Variants in VWA5B1 observed in about 807,000 individuals in gnomAD.
The protein encoded by VWA5B1 is von Willebrand factor A domain containing 5B1, also known as von Willebrand factor A domain-containing protein 5B1.
VWA5B1 carries 115 observed loss-of-function variants against 118.2 expected under a neutral mutation model. The ratio of observed to expected loss-of-function variants is 0.97; its 90% CI spans 0.84 to 1.14. The LOEUF is 1.14. Ranked by LOEUF, VWA5B1 falls within the 50% of genes most tolerant of loss-of-function variation. VWA5B1 has a pLI of 0.00. For synonymous variants in VWA5B1, 682 were observed against 658.4 expected (o/e 1.04, Z -0.55); for missense variants, 1,596 against 1,603.8 (o/e 1.00, Z 0.08).
rs1339744394 is a variant in VWA5B1, at chr1:20,354,689, G to T, written c.*426G>T. On this transcript the variant is annotated 3_prime_UTR_variant, in exon 22 of 22. Coordinates refer to ENST00000289815, the MANE Select transcript of VWA5B1 (RefSeq NM_001039500.3). ...ACAGCAATGCCCACTCAAATAAAAG[G>T]GCAGATGAGAGAACCCAGTGACCTC... The T allele has an allele frequency of 1.1e-5, 2 of 184,276 alleles. No individual in the cohort carries two copies. Among genetic ancestry groups the T allele is most frequent in the Non-Finnish European group, 2.3e-5 (2 of 88,472 alleles). The allele number at this position is 184,276 out of a possible 1,614,324, so 11.4% of individuals were successfully genotyped here.
In VWA5B1 at chr1:20,330,268, T is replaced by C; in HGVS notation, c.1343T>C (p.Ile448Thr). Residue 448 changes from isoleucine to threonine, a missense_variant, in exon 10 of 22, where the codon ATC (isoleucine) becomes ACC (threonine). Coordinates refer to ENST00000289815, the MANE Select transcript of VWA5B1 (RefSeq NM_001039500.3). ...TNILSPLKWV[I>T]RQPVHRGHPR... Reference sequence around the variant, plus strand: ...ATCCTTTCCCCTCTCAAGTGGGTCATCAGGCAGCCAGTGCACCGAGGCCAC... The same window carrying C: ...ATCCTTTCCCCTCTCAAGTGGGTCACCAGGCAGCCAGTGCACCGAGGCCAC... 1 of 1,551,762 alleles carries C rather than the reference T, an allele frequency of 6.4e-7. No individual in the cohort carries two copies.
Position 20,310,577 on chromosome 1 carries a change from T to A in VWA5B1, c.-25T>A, listed in dbSNP as rs2088816779. 1.6e-5 allele frequency: 24 copies of A among 1,511,298 alleles called. No homozygotes were observed. Among genetic ancestry groups the A allele is most frequent in the Non-Finnish European group, 2.0e-5 (23 of 1,127,978 alleles). The allele number at this position is 1,511,298 out of a possible 1,614,324, so 93.6% of individuals were successfully genotyped here. A position where few individuals can be genotyped will look rare whatever the true frequency, so the allele number is the denominator to read the frequency against. ...TCCTGCCCTTCCTGTGTCTCACAGG[T>A]TCTGAAGGCTGAGTAGCCAGCGGGA... On this transcript the variant is annotated splice_region_variant and 5_prime_UTR_variant, in exon 2 of 22. Transcript: ENST00000289815.
intron 1 of VWA5B1, among the ~76,000 whole-genome samples, chr1:20,310,226 C>T (rs919243143): frequency 6.6e-6 from 1 of 152,076 alleles, no homozygotes; most frequent in Non-Finnish European, 1.5e-5. Flanking sequence ...CTGAGCCCCT[C>T]GACTCCCCTC....
rs929882020 is a variant in VWA5B1 at position 20,350,008 on chromosome 1, T to A, written c.2879-148T>A. ...GGGCAACGGTTATATCTGTGAAAGATGAAGGCCCATCCGAGCAGGGGTGGA... is the reference window on the plus strand; with the variant it reads ...GGGCAACGGTTATATCTGTGAAAGAAGAAGGCCCATCCGAGCAGGGGTGGA... On this transcript the variant is annotated intron_variant, in intron 18 of 21. Transcript: ENST00000289815. 8.2e-6 allele frequency: 6 copies of A among 735,734 alleles called. No individual in the cohort carries two copies. In the African/African-American group the frequency reaches 1.0e-4, roughly 13 times the overall value. 45.6% of individuals were successfully genotyped at this position (735,734 alleles called of 1,614,324 possible). A position where few individuals can be genotyped will look rare whatever the true frequency, so the allele number is the denominator to read the frequency against.
intron 19 of VWA5B1, 87 bp from the exon 20 acceptor site, chr1:20,350,770 T>G: frequency 2.3e-6 from 3 of 1,308,852 alleles, no homozygotes; most frequent in Non-Finnish European, 3.2e-6. Context: ...CCTGCCCCTC[T>G]CTAGGCCTCT....
chr1:20,348,037 G>C (rs1016719048), intron 17 of VWA5B1, among the ~76,000 whole-genome samples: 32 of 152,104 alleles, frequency 2.1e-4, no homozygotes, highest in South Asian at 4.1e-4. Context: ...AGTGGGGTCC[G>C]CACCCATCCA....
At chr1:20,317,450 C>A in intron 4 of VWA5B1, 80 bp from the exon 5 acceptor site, 1 of 1,499,408 alleles carries the variant, frequency 6.7e-7, no homozygotes. Flanking sequence ...TGGAACTCAT[C>A]GTCCTCTCCT....
intron 1 of VWA5B1, among the ~76,000 whole-genome samples, chr1:20,297,160 A>G (rs1019716904): frequency 6.6e-6 from 1 of 152,186 alleles, no homozygotes; most frequent in Non-Finnish European, 1.5e-5. Flanking sequence ...CTCCCTTTGG[A>G]TACCATGGAT....
intron 16 of VWA5B1, among the ~76,000 whole-genome samples, chr1:20,343,928 C>G (rs2089952783): frequency 7.9e-6 from 1 of 126,098 alleles, no homozygotes; most frequent in South Asian, 3.0e-4. Flanking sequence ...ACCCCCACTC[C>G]AGGATCAGCC....
intron 16 of VWA5B1, 66 bp downstream of exon 16, chr1:20,343,459 G>A: frequency 2.1e-6 from 3 of 1,444,770 alleles, no homozygotes; most frequent in Middle Eastern, 2.5e-4. Context: ...CTCCACAGCC[G>A]CTCCCCCTTC....
At chr1:20,350,310 C>T (rs971624394) in intron 19 of VWA5B1, 80 bp downstream of exon 19, 34 of 1,465,640 alleles carry the variant, frequency 2.3e-5, no homozygotes, top group African/African-American at 7.0e-5. Flanking sequence ...ATCTTAGCAC[C>T]GACAAAGTCC....
intron 4 of VWA5B1, among the ~76,000 whole-genome samples, chr1:20,316,557 T>C (rs1295028822): frequency 1.3e-5 from 2 of 152,160 alleles, no homozygotes; most frequent in African/African-American, 4.8e-5. Context: ...TGTGTGCATA[T>C]GGAAGGACAT....
chr1:20,338,792 A>T (rs1570189845), intron 14 of VWA5B1: 2 of 152,290 alleles, frequency 1.3e-5, no homozygotes, highest in African/African-American at 2.4e-5. Flanking sequence ...GAACTCCCAA[A>T]GCACTGGGAT....
rs574193046 is a variant in VWA5B1, at chr1:20,343,990, C to G, written c.2626+597C>G. On this transcript the variant is annotated intron_variant, in intron 16 of 21. Transcript: ENST00000289815. Reference sequence around the variant, plus strand: ...ATCTCCCCACAGCCCCGCCACGGCTCACTGCTCCCCCACTCCACCTCACAC... The same window carrying G: ...ATCTCCCCACAGCCCCGCCACGGCTGACTGCTCCCCCACTCCACCTCACAC... Among the ~76,000 whole-genome samples, 9 of 141,516 alleles carry G rather than the reference C, an allele frequency of 6.4e-5. No individual in the cohort carries two copies. In the South Asian group the frequency reaches 9.7e-4, roughly 15 times the overall value. The allele number at this position is 141,516 out of a possible 152,430, so 92.8% of individuals were successfully genotyped here.
chr1:20,345,614 G>A (rs1432362170), intron 17 of VWA5B1, 21 bp downstream of exon 17: 2 of 1,528,560 alleles, frequency 1.3e-6, no homozygotes, highest in South Asian at 2.5e-5. Flanking sequence ...CGAGCGGCCG[G>A]GGGCACTCCT....
chr1:20,328,642 A>G (rs2089457902), intron 9 of VWA5B1, among the ~76,000 whole-genome samples: 1 of 152,226 alleles, frequency 6.6e-6, no homozygotes, highest in South Asian at 2.1e-4. Flanking sequence ...TATATGTTGC[A>G]TGCGCTTGTA....
At chr1:20,295,369 A>C (rs1467406018) in intron 1 of VWA5B1, among the ~76,000 whole-genome samples, 2 of 152,190 alleles carry the variant, frequency 1.3e-5, no homozygotes, top group African/African-American at 4.8e-5. Flanking sequence ...AGTTAAGACT[A>C]TGAACAGTCC....
chr1:20,330,460 G>C, intron 10 of VWA5B1, 78 bp downstream of exon 10: 1 of 1,494,878 alleles, frequency 6.7e-7, no homozygotes, highest in Non-Finnish European at 9.1e-7. Context: ...GGGCAATGTG[G>C]AAAATGCCAG....
rs370784840 is a variant in VWA5B1, at chr1:20,348,333, T to A, written c.2853T>A (p.Leu951=). 104 of 1,551,622 alleles carry A rather than the reference T, an allele frequency of 6.7e-5. No homozygotes were observed. The Middle Eastern group carries it at 8.3e-4, about 12-fold the overall frequency. Residue 951 remains leucine, a synonymous_variant, in exon 18 of 22, where the codon CTT becomes CTA. Coordinates refer to ENST00000289815, the MANE Select transcript of VWA5B1 (RefSeq NM_001039500.3). The part of the protein sequence containing the change: ...SSGFGRPQTM[L]GEDSAPGNDM... ...GCTTTGGAAGGCCGCAGACGATGCT[T>A]GGAGAAGATTCGGCACCAGGAAATG...
Sources: gnomAD v4.1 joint callset for allele counts (sites outside exome capture counted in the v4.1 genomes callset) on GRCh38, gnomAD v4.1.1 for gene constraint, MANE v1.5 for transcripts, NCBI Gene and HGNC (gene_info 2026-07-23, HGNC 2026-07-21) for gene names.